Variants in SPG11 observed in about 807,000 individuals in gnomAD.
The protein encoded by SPG11 is SPG11 vesicle trafficking associated, spatacsin.
A neutral mutation model predicts 274.0 loss-of-function variants in SPG11; 222 were observed. The ratio of observed to expected loss-of-function variants is 0.81; its 90% CI spans 0.73 to 0.91. The LOEUF (loss-of-function observed/expected upper bound fraction) is 0.91, where lower values mean the gene tolerates loss of function less well. Ranked by LOEUF, SPG11 falls within the 40% of genes least tolerant of loss-of-function variation. SPG11 has a pLI of 0.00. For missense variants in SPG11, 3,114 were observed against 2,872.7 expected (o/e 1.08, Z -1.92); for synonymous variants, 1,144 against 1,039.7 (o/e 1.10, Z -1.93).
At chr15:44,595,515 A>T (rs1381363401) in intron 25 of SPG11, 56 bp from the exon 26 acceptor site, 9 of 1,521,804 alleles carry the variant, frequency 5.9e-6, no homozygotes, top group Middle Eastern at 1.7e-4. Flanking sequence ...CAAATGTACA[A>T]ATACTACAGA....
intron 7 of SPG11, among the ~76,000 whole-genome samples, chr15:44,639,458 C>G (rs1468827582): frequency 6.6e-6 from 1 of 152,106 alleles, no homozygotes; most frequent in African/African-American, 2.4e-5. Flanking sequence ...AATCCCAGCA[C>G]TTCTGAAGGT....
chr15:44,618,603 G>T (rs971021203), intron 15 of SPG11, among the ~76,000 whole-genome samples: 13 of 151,276 alleles, frequency 8.6e-5, no homozygotes, highest in African/African-American at 3.2e-4. Flanking sequence ...AGAACACGAG[G>T]TCAGGAGATG....
At chr15:44,567,741 C>T in intron 35 of SPG11, 149 bp from the exon 36 acceptor site, 1 of 850,552 alleles carries the variant, frequency 1.2e-6, no homozygotes, top group South Asian at 1.4e-5. Context: ...TATGCTGTCC[C>T]AAGTATGAGG....
rs749652788 is a variant in SPG11 at position 44,574,973 on chromosome 15, C to CTTCCAGGTTA, written c.5925_5934dup (p.Val1979Ter). ...CCATGGAGGCATTTGCTTGTCAGCA[C>CTTCCAGGTTA]TTCCAGGTTAGTTACCACTTCATTA... On this transcript the variant is annotated stop_gained and frameshift_variant, in exon 31 of 40. Transcript: ENST00000261866. LOFTEE classifies it high-confidence loss of function. The CTTCCAGGTTA allele has an allele frequency of 1.2e-6, 2 of 1,614,012 alleles. No homozygotes were observed. The highest frequency in any genetic ancestry group is 4.5e-5 in the East Asian group (2 of 44,900).
chr15:44,573,652 G>A lies in SPG11; in HGVS notation c.6100C>T (p.Arg2034Ter), dbSNP rs118203963. ...LASQQPDRCK[R>*]AQAFISTQGL... ...TGTGTGCTGATGAAGGCCTGGGCTC[G>A]TTTGCATCGGTCAGGCTGCTGAGAG... The change falls in exon 32 of 40, where the codon CGA (arginine) becomes TGA (stop). Residue 2034 changes from arginine to a stop codon, truncating the protein, a stop_gained. Coordinates refer to ENST00000261866, the MANE Select transcript of SPG11 (RefSeq NM_025137.4). LOFTEE classifies it high-confidence loss of function. 10 of 1,614,100 alleles carry A rather than the reference G, an allele frequency of 6.2e-6. No homozygotes were observed. The highest frequency in any genetic ancestry group is 5.0e-5 in the Admixed American group (3 of 60,006).
At chr15:44,621,591 ACT>A in intron 14 of SPG11, 166 bp downstream of exon 14, 1 of 672,872 alleles carries the variant, frequency 1.5e-6, no homozygotes, top group Non-Finnish European at 2.5e-6. Context: ...CCTCCCAGAA[ACT>A]CTGAGATAAG....
At chr15:44,566,368 C>CTCA in intron 36 of SPG11, 63 bp from the exon 37 acceptor site, 1 of 1,503,906 alleles carries the variant, frequency 6.6e-7, no homozygotes, top group Non-Finnish European at 9.2e-7. Context: ...TCTCATCCCA[C>CTCA]TCATTGTGAT....
At position 44,663,520 on chromosome 15, in the gene SPG11, G is replaced by T; in HGVS notation, c.128C>A (p.Ser43Tyr). The T allele has an allele frequency of 6.3e-7, 1 of 1,597,144 alleles. No individual in the cohort carries two copies. The highest frequency in any genetic ancestry group is 2.3e-5 in the East Asian group (1 of 44,070). Residue 43 changes from serine to tyrosine, a missense_variant, in exon 1 of 40, where the codon TCC becomes TAC. Coordinates refer to ENST00000261866, the MANE Select transcript of SPG11 (RefSeq NM_025137.4). ...VPAEAMGQLG[S>Y]RAQLRTQPEA... Reference sequence around the variant, plus strand: ...CGGCTGTGTGCGCAGCTGCGCCCGGGAGCCGAGCTGCCCCATCGCCTCGGC... The same window carrying T: ...CGGCTGTGTGCGCAGCTGCGCCCGGTAGCCGAGCTGCCCCATCGCCTCGGC...
chr15:44,646,220 G>A lies in SPG11; in HGVS notation c.1602+2646C>T, dbSNP rs1348589576. Among the ~76,000 whole-genome samples the A allele has an allele frequency of 2.0e-5, 3 of 152,104 alleles. No homozygotes were observed. The South Asian group carries it at 6.2e-4, about 32-fold the overall frequency. On this transcript the variant is annotated intron_variant, in intron 7 of 39. Coordinates refer to ENST00000261866, the MANE Select transcript of SPG11 (RefSeq NM_025137.4). ...GCACTATTGACAATGGCAAAGATAT[G>A]GAATCAACCTAAATGCCCATGATTG...
At chr15:44,648,169 A>G (rs1163417953) in intron 7 of SPG11, among the ~76,000 whole-genome samples, 2 of 152,212 alleles carry the variant, frequency 1.3e-5, no homozygotes, top group Non-Finnish European at 2.9e-5. Flanking sequence ...TTTGTGAATT[A>G]TAAAATCTTA....
chr15:44,570,385 C>T (rs907744901), intron 34 of SPG11, 140 bp downstream of exon 34: 2 of 1,080,854 alleles, frequency 1.9e-6, no homozygotes, highest in South Asian at 1.6e-5. Context: ...TTGGGCTGCC[C>T]AGCCAACTCT....
rs145132275 is a variant in SPG11, at chr15:44,660,479, C to T, written c.395G>A (p.Ser132Asn). 3.6e-4 allele frequency: 576 copies of T among 1,613,980 alleles called. No homozygotes were observed. Among genetic ancestry groups the T allele is most frequent in the Non-Finnish European group, 4.7e-4 (556 of 1,180,002 alleles). ...CTTTTGCAATGCCTCCCTACTACAG[C>T]TATACAAAATGGTTGCATCACATCT... is the stretch of plus-strand genomic sequence containing the variant. Reference protein sequence around the residue: ...DGRCDATILYSCSREALQKLI... With the variant: ...DGRCDATILYNCSREALQKLI... The change falls in exon 2 of 40, where the codon AGC (serine) becomes AAC (asparagine). Residue 132 changes from serine to asparagine, a missense_variant. Transcript: ENST00000261866.
In SPG11 at chr15:44,564,665, G is replaced by C. The variant is rs769744096; in HGVS notation, c.7033C>G (p.Pro2345Ala). ...SIVAEAYDFV[P>A]DWAEILYQQV... ...TGGTATAAAATTTCAGCCCAATCTGGAACAAAATCGTAGGCCTCAGCCACA... is the reference window on the plus strand; with the variant it reads ...TGGTATAAAATTTCAGCCCAATCTGCAACAAAATCGTAGGCCTCAGCCACA... Residue 2345 changes from proline to alanine, a missense_variant, in exon 39 of 40, where the codon CCA (proline) becomes GCA (alanine). By Grantham distance (27) the Pro-to-Ala change is conservative. Coordinates refer to ENST00000261866, the MANE Select transcript of SPG11 (RefSeq NM_025137.4). 2 of 1,614,100 alleles carry C rather than the reference G, an allele frequency of 1.2e-6. No individual in the cohort carries two copies. The highest frequency in any genetic ancestry group is 2.2e-5 in the South Asian group (2 of 91,082).
intron 34 of SPG11, among the ~76,000 whole-genome samples, chr15:44,569,831 C>T (rs2082382053): frequency 6.6e-6 from 1 of 152,030 alleles, no homozygotes. Flanking sequence ...ATTCTCCTGC[C>T]TCAGCCTCCC....
At chr15:44,565,799 G>T in intron 38 of SPG11, 55 bp downstream of exon 38, 2 of 1,607,228 alleles carry the variant, frequency 1.2e-6, no homozygotes, top group South Asian at 1.1e-5. Flanking sequence ...CCATGAGTGG[G>T]ACAGAAGGAG....
rs752901786 is a variant in SPG11 at position 44,600,481 on chromosome 15, C to G, written c.3672G>C (p.Lys1224Asn). 6.2e-7 allele frequency: 1 copy of G among 1,614,058 alleles called. No individual in the cohort carries two copies. Among genetic ancestry groups the G allele is most frequent in the Admixed American group, 1.7e-5 (1 of 60,002 alleles). The change falls in exon 21 of 40, where the codon AAG becomes AAC. Residue 1224 changes from lysine (K) to asparagine (N), a missense_variant. Coordinates refer to ENST00000261866, the MANE Select transcript of SPG11 (RefSeq NM_025137.4). Reference sequence around the variant, plus strand: ...TAAATACTCACAGCTGCTTGGGAGTCTTGCTCTTGATTAATTCCTGGACCA... The same window carrying G: ...TAAATACTCACAGCTGCTTGGGAGTGTTGCTCTTGATTAATTCCTGGACCA... ...TFLVQELIKS[K>N]TPKQLIQQVG...
chr15:44,630,949 C>T (rs2084044484), intron 8 of SPG11, among the ~76,000 whole-genome samples: 1 of 151,960 alleles, frequency 6.6e-6, no homozygotes, highest in African/African-American at 2.4e-5. Context: ...AAGAAAACAT[C>T]CAATTCATTT....
intron 3 of SPG11, among the ~76,000 whole-genome samples, chr15:44,657,804 G>C (rs961316608): frequency 6.6e-6 from 1 of 152,230 alleles, no homozygotes; most frequent in Non-Finnish European, 1.5e-5. Flanking sequence ...AACAACTAAA[G>C]TTGTAACAAA....
intron 2 of SPG11, 134 bp from the exon 3 acceptor site, chr15:44,659,437 G>A (rs939527361): frequency 1.2e-5 from 9 of 757,826 alleles, no homozygotes; most frequent in African/African-American, 8.7e-5. Context: ...CGCAGTTATC[G>A]TTCACACCCA....
Sources: allele counts gnomAD v4.1 joint callset (sites outside exome capture counted in the v4.1 genomes callset), GRCh38; gene constraint gnomAD v4.1.1; transcripts MANE v1.5; gene names NCBI Gene and HGNC (gene_info 2026-07-23, HGNC 2026-07-21).